The following WDR72 variants were observed in gnomAD, a reference collection of about 807,000 sequenced individuals.
WDR72 encodes the protein WD repeat domain 72, also known as WD repeat-containing protein 72.
In WDR72, 120 loss-of-function variants were observed where a neutral mutation model predicts 124.2. That is an observed-to-expected ratio of 0.97 (90% CI 0.83 to 1.12). WDR72 has a LOEUF of 1.12. WDR72 is among the 50% of genes most tolerant of loss of function. The pLI, the probability that WDR72 is intolerant of heterozygous loss-of-function variation, is 0.00. For synonymous variants in WDR72, 452 were observed against 441.7 expected (o/e 1.02, Z -0.29); for missense variants, 1,387 against 1,278.8 (o/e 1.08, Z -1.29).
chr15:53,650,711 C>T (rs976168336), intron 14 of WDR72, among the ~76,000 whole-genome samples: 2 of 152,092 alleles, frequency 1.3e-5, no homozygotes, highest in African/African-American at 4.8e-5. Context: ...AAAGCGGTTC[C>T]TCCCACTGGC....
chr15:53,756,981 C>G (rs2018925816), intron 1 of WDR72, among the ~76,000 whole-genome samples: 1 of 152,178 alleles, frequency 6.6e-6, no homozygotes, highest in Non-Finnish European at 1.5e-5. Context: ...ATATCTAGCT[C>G]TGTAAATGAA....
chr15:53,738,574 C>T (rs1170345587), intron 1 of WDR72, among the ~76,000 whole-genome samples: 1 of 149,998 alleles, frequency 6.7e-6, no homozygotes, highest in East Asian at 1.9e-4. Flanking sequence ...AGATCACAAG[C>T]CTTTTTTTTG....
intron 17 of WDR72, among the ~76,000 whole-genome samples, chr15:53,608,959 A>C (rs542166848): frequency 6.6e-6 from 1 of 152,110 alleles, no homozygotes; most frequent in South Asian, 2.1e-4. Flanking sequence ...GATTATAGTC[A>C]ATAATAATTT....
chr15:53,645,636 G>A (rs1017330619), intron 14 of WDR72, among the ~76,000 whole-genome samples: 13 of 152,228 alleles, frequency 8.5e-5, no homozygotes, highest in African/African-American at 2.9e-4. Flanking sequence ...AACTGTAAAT[G>A]TTCGATGAAG....
intron 18 of WDR72, among the ~76,000 whole-genome samples, chr15:53,529,155 T>C (rs1327480594): frequency 3.4e-5 from 2 of 58,524 alleles, no homozygotes; most frequent in South Asian, 6.4e-4. Flanking sequence ...CATATATATA[T>C]ATATATATAT....
intron 14 of WDR72, among the ~76,000 whole-genome samples, chr15:53,645,717 G>C (rs574611038): frequency 6.6e-6 from 1 of 152,212 alleles, no homozygotes; most frequent in Admixed American, 6.5e-5. Flanking sequence ...ACTGCTAGGA[G>C]ATTCTAGTAT....
At chr15:53,659,935 C>G (rs1198301266) in intron 14 of WDR72, among the ~76,000 whole-genome samples, 1 of 151,838 alleles carries the variant, frequency 6.6e-6, no homozygotes, top group Non-Finnish European at 1.5e-5. Flanking sequence ...TGAGATTCAC[C>G]AAATCAAAAT....
intron 5 of WDR72, among the ~76,000 whole-genome samples, chr15:53,714,718 A>G (rs1378404651): frequency 1.3e-5 from 2 of 152,206 alleles, no homozygotes; most frequent in Non-Finnish European, 2.9e-5. Context: ...AGGTATAAGA[A>G]GAGCACCACT....
chr15:53,524,020 CA>C (rs1274332196), intron 18 of WDR72, among the ~76,000 whole-genome samples: 3 of 152,040 alleles, frequency 2.0e-5, no homozygotes, highest in Non-Finnish European at 4.4e-5. Context: ...GTTTGAGAAA[CA>C]GACTGAAGTT....
chr15:53,640,054 T>C (rs72747349), intron 14 of WDR72, among the ~76,000 whole-genome samples: 3,377 of 152,298 alleles, frequency 0.022, 60 homozygotes, highest in Admixed American at 0.035. Flanking sequence ...TCCAGGTCTT[T>C]TAAAAAATAA....
chr15:53,626,252 C>T (rs1474998693), intron 14 of WDR72, among the ~76,000 whole-genome samples: 1 of 152,200 alleles, frequency 6.6e-6, no homozygotes, highest in Non-Finnish European at 1.5e-5. Context: ...AGTGTTATAG[C>T]TCTATCAGAA....
At chr15:53,691,738 A>T (rs1166074458) in intron 13 of WDR72, among the ~76,000 whole-genome samples, 2 of 152,136 alleles carry the variant, frequency 1.3e-5, no homozygotes, top group Admixed American at 1.3e-4. Context: ...TTCTGCAAAC[A>T]CTGTGTGTTA....
chr15:53,733,920 CACAA>C (rs1378378521), intron 1 of WDR72, among the ~76,000 whole-genome samples: 9 of 152,218 alleles, frequency 5.9e-5, no homozygotes, highest in African/African-American at 1.9e-4. Flanking sequence ...CTTCCTGAAA[CACAA>C]ACAATTTTGG....
chr15:53,729,095 T>C (rs1173782465), intron 2 of WDR72, among the ~76,000 whole-genome samples: 2 of 152,096 alleles, frequency 1.3e-5, no homozygotes, highest in African/African-American at 4.8e-5. Context: ...ATTCTACCAG[T>C]CCCATCCAGC....
At chr15:53,536,473 C>T (rs1193570671) in intron 18 of WDR72, among the ~76,000 whole-genome samples, 2 of 152,050 alleles carry the variant, frequency 1.3e-5, no homozygotes, top group Admixed American at 6.5e-5. Context: ...ACGCTATGAT[C>T]ATGGGGCTCA....
In WDR72 at chr15:53,615,889, T is replaced by C. The variant is rs2013743036; in HGVS notation, c.2317A>G (p.Lys773Glu). Reference protein sequence around the residue: ...NDGIKRQKKMKISKKMQPKPS... With the variant: ...NDGIKRQKKMEISKKMQPKPS... ...TTAGGCTGCATTTTTTTGGAGATCT[T>C]CATTTTCTTCTGCCTTTTAATGCCA... The change falls in exon 15 of 20, where the codon AAG becomes GAG. Residue 773 changes from lysine to glutamate, a missense_variant. Coordinates refer to ENST00000360509, the MANE Select transcript of WDR72 (RefSeq NM_182758.4). 6.2e-7 allele frequency: 1 copy of C among 1,613,568 alleles called. No homozygotes were observed.
chr15:53,536,280 T>C (rs1566947405), intron 18 of WDR72, among the ~76,000 whole-genome samples: 1 of 152,194 alleles, frequency 6.6e-6, no homozygotes, highest in Non-Finnish European at 1.5e-5. Context: ...TAGAGAAAGC[T>C]AATTTGATCA....
At chr15:53,608,549 AT>A (rs1457789401) in intron 17 of WDR72, among the ~76,000 whole-genome samples, 2 of 151,618 alleles carry the variant, frequency 1.3e-5, no homozygotes, top group Non-Finnish European at 2.9e-5. Flanking sequence ...GAGCCCAGGA[AT>A]TTGAGACCAG....
intron 14 of WDR72, among the ~76,000 whole-genome samples, chr15:53,658,723 T>C (rs1040320610): frequency 1.3e-5 from 2 of 152,212 alleles, no homozygotes; most frequent in African/African-American, 4.8e-5. Flanking sequence ...TTAACTGTAA[T>C]TGTGACTAAA....
Sources: gnomAD v4.1 joint callset for allele counts (sites outside exome capture counted in the v4.1 genomes callset) on GRCh38, gnomAD v4.1.1 for gene constraint, MANE v1.5 for transcripts, NCBI Gene and HGNC (gene_info 2026-07-23, HGNC 2026-07-21) for gene names.